Variants in MYO3A observed in about 807,000 individuals in gnomAD.
MYO3A encodes the protein myosin-IIIa.
Under a neutral mutation model 192.7 loss-of-function variants are expected in MYO3A, and 180 were observed. That is an observed-to-expected ratio of 0.93 (90% CI 0.83 to 1.06). The LOEUF is 1.06. Ranked by LOEUF, MYO3A falls within the 50% of genes least tolerant of loss-of-function variation. The pLI is 0.00. For missense variants in MYO3A, 1,896 were observed against 1,905.0 expected (o/e 1.00, Z 0.09); for synonymous variants, 628 against 645.3 (o/e 0.97, Z 0.41).
At chr10:26,003,082 A>G (rs116189413) in intron 6 of MYO3A, among the ~76,000 whole-genome samples, 3,854 of 152,224 alleles carry the variant, frequency 0.025, 185 homozygotes, top group African/African-American at 0.087. Flanking sequence ...GTCACACAGA[A>G]TCTGCAAGGG....
intron 4 of MYO3A, among the ~76,000 whole-genome samples, chr10:25,961,874 C>T (rs1318219718): frequency 6.6e-6 from 1 of 152,054 alleles, no homozygotes; most frequent in Admixed American, 6.6e-5. Flanking sequence ...GTAATAAAGT[C>T]CATTTAAATT....
At chr10:26,088,132 GAA>G in intron 14 of MYO3A, 69 bp from the exon 15 acceptor site, 1 of 1,236,540 alleles carries the variant, frequency 8.1e-7, no homozygotes, top group Non-Finnish European at 1.1e-6. Context: ...GCTTACCAAA[GAA>G]GAGACATTTC....
chr10:25,992,133 T>C (rs1840073779), intron 4 of MYO3A, among the ~76,000 whole-genome samples: 1 of 148,616 alleles, frequency 6.7e-6, no homozygotes, highest in African/African-American at 2.6e-5. Context: ...ATATTGATTC[T>C]TCCTACCCAT....
At chr10:26,163,535 G>T (rs1450917231) in intron 26 of MYO3A, among the ~76,000 whole-genome samples, 1 of 152,172 alleles carries the variant, frequency 6.6e-6, no homozygotes, top group African/African-American at 2.4e-5. Context: ...ATTCCAGAGA[G>T]ACTTTAAGCT....
intron 10 of MYO3A, among the ~76,000 whole-genome samples, chr10:26,036,218 C>T (rs530730753): frequency 1.7e-4 from 26 of 152,020 alleles, no homozygotes; most frequent in Non-Finnish European, 2.4e-4. Flanking sequence ...GGATTACAGG[C>T]GTGAGCCACT....
In MYO3A at chr10:26,094,420, CTTTTTTTTTTTT is replaced by C. The variant is rs965507109; in HGVS notation, c.1563-1950_1563-1939del. 3.9e-5 allele frequency among the ~76,000 whole-genome samples: 4 copies of C among 101,308 alleles called. No homozygotes were observed. The Admixed American group carries it at 4.5e-4, about 11-fold the overall frequency. The allele number at this position is 101,308 out of a possible 152,430, so 66.5% of individuals were successfully genotyped here. Reference sequence around the variant, plus strand: ...TACATACTGAAAGAATGAATAATTTCTTTTTTTTTTTTTTTTTTTTTTGAGATGGAGTCTCGC... The same window carrying C: ...TACATACTGAAAGAATGAATAATTTCTTTTTTTTTTGAGATGGAGTCTCGC... On this transcript the variant is annotated intron_variant, in intron 15 of 34. Transcript: ENST00000642920.
chr10:26,193,886 C>T (rs200629252), intron 32 of MYO3A, among the ~76,000 whole-genome samples: 5 of 152,238 alleles, frequency 3.3e-5, no homozygotes, highest in Non-Finnish European at 7.3e-5. Context: ...GACCCCTCAG[C>T]TCCTGCTCAC....
chr10:26,019,246 TA>T (rs1564465291), intron 7 of MYO3A, among the ~76,000 whole-genome samples: 45 of 130,118 alleles, frequency 3.5e-4, no homozygotes, highest in African/African-American at 6.4e-4. Flanking sequence ...TTTATTTATT[TA>T]TTTATTTATT....
At position 26,170,673 on chromosome 10, in the gene MYO3A, C is replaced by G. The variant is rs56296397; in HGVS notation, c.3398+134C>G. 68,584 of 925,904 alleles carry G rather than the reference C, an allele frequency of 0.074. 3,100 individuals are homozygous for G. Among genetic ancestry groups the G allele is most frequent in the Non-Finnish European group, 0.088 (53,764 of 610,238 alleles). The allele number at this position is 925,904 out of a possible 1,614,324, so 57.4% of individuals were successfully genotyped here. A position where few individuals can be genotyped will look rare whatever the true frequency, so the allele number is the denominator to read the frequency against. ...TGACACATCAAATGTCAGTGAACAC[C>G]CAGAGGCTACTTTTGTGTTCTCTAT... On this transcript the variant is annotated intron_variant, in intron 29 of 34. Transcript: ENST00000642920.
intron 34 of MYO3A, among the ~76,000 whole-genome samples, chr10:26,209,638 C>A (rs568182068): frequency 6.6e-6 from 1 of 152,310 alleles, no homozygotes; most frequent in East Asian, 1.9e-4. Flanking sequence ...CATTCACTGG[C>A]CTTCAGGACA....
intron 30 of MYO3A, among the ~76,000 whole-genome samples, chr10:26,176,323 G>T (rs1373285265): frequency 6.6e-6 from 1 of 151,964 alleles, no homozygotes; most frequent in African/African-American, 2.4e-5. Context: ...GGAAAGAAAA[G>T]GAAGGAGGTT....
rs755343439 is a variant in MYO3A, at chr10:25,996,539, G to C, written c.353G>C (p.Arg118Thr). The stretch of plus-strand genomic sequence containing the variant: ...GACCTTGTGAAAGGATTTCTGAAGA[G>C]GGGTGAAAGAATGAGTGAGCCTCTA... ...VTDLVKGFLK[R>T]GERMSEPLIA... Residue 118 changes from arginine (R) to threonine (T), a missense_variant, in exon 5 of 35, where the codon AGG becomes ACG. Coordinates refer to ENST00000642920, the MANE Select transcript of MYO3A (RefSeq NM_017433.5). 1 of 1,613,874 alleles carries C rather than the reference G, an allele frequency of 6.2e-7. No individual in the cohort carries two copies. The highest frequency in any genetic ancestry group is 8.5e-7 in the Non-Finnish European group (1 of 1,179,868).
intron 31 of MYO3A, among the ~76,000 whole-genome samples, chr10:26,189,579 C>G (rs4749096): frequency 3.9e-5 from 6 of 152,356 alleles, no homozygotes; most frequent in South Asian, 2.1e-4. Context: ...AACATCGTCT[C>G]TCAGGGCTTC....
At chr10:26,017,994 AAAT>A (rs1842075722) in intron 7 of MYO3A, among the ~76,000 whole-genome samples, 1 of 149,624 alleles carries the variant, frequency 6.7e-6, no homozygotes, top group Admixed American at 6.7e-5. Flanking sequence ...ATATAATAAT[AAAT>A]AATATTACAT....
At chr10:26,000,038 C>G (rs1840690959) in intron 6 of MYO3A, among the ~76,000 whole-genome samples, 1 of 152,196 alleles carries the variant, frequency 6.6e-6, no homozygotes, top group African/African-American at 2.4e-5. Flanking sequence ...CCAATCCTTT[C>G]TCCACACTGC....
chr10:26,063,287 G>A (rs931687168), intron 10 of MYO3A, among the ~76,000 whole-genome samples: 2 of 152,178 alleles, frequency 1.3e-5, no homozygotes, highest in Non-Finnish European at 2.9e-5. Flanking sequence ...GCACAGTGCA[G>A]ATGTTTATAA....
chr10:26,188,077 A>G (rs1406402063), intron 31 of MYO3A, among the ~76,000 whole-genome samples: 1 of 152,192 alleles, frequency 6.6e-6, no homozygotes, highest in Non-Finnish European at 1.5e-5. Flanking sequence ...ACTGACTTCC[A>G]CAATGGTTGA....
At chr10:25,996,814 T>G (rs1840472585) in intron 5 of MYO3A, among the ~76,000 whole-genome samples, 1 of 152,212 alleles carries the variant, frequency 6.6e-6, no homozygotes, top group Non-Finnish European at 1.5e-5. Context: ...ACCTCTTAAG[T>G]GTATTTCTGA....
At chr10:26,003,689 A>G (rs1840995903) in intron 6 of MYO3A, among the ~76,000 whole-genome samples, 1 of 152,162 alleles carries the variant, frequency 6.6e-6, no homozygotes, top group South Asian at 2.1e-4. Context: ...AACAATCTTT[A>G]TCTTGAATAG....
Sources: allele counts gnomAD v4.1 joint callset (sites outside exome capture counted in the v4.1 genomes callset), GRCh38; gene constraint gnomAD v4.1.1; transcripts MANE v1.5; gene names NCBI Gene and HGNC (gene_info 2026-07-23, HGNC 2026-07-21).